The following VPS13A variants were observed in gnomAD, a reference collection of about 807,000 sequenced individuals.
VPS13A encodes vacuolar protein sorting 13 homolog A.
VPS13A carries 264 observed loss-of-function variants against 390.9 expected under a neutral mutation model. The ratio of observed to expected loss-of-function variants is 0.68; its 90% CI spans 0.61 to 0.75. The LOEUF (loss-of-function observed/expected upper bound fraction) is 0.75. Ranked by LOEUF, VPS13A falls within the 30% of genes least tolerant of loss-of-function variation. The pLI, the probability that VPS13A is intolerant of heterozygous loss-of-function variation, is 0.00. For missense variants in VPS13A, 3,409 were observed against 3,733.9 expected, an observed-to-expected ratio of 0.91 and a Z score of 2.27; for synonymous variants, 1,231 against 1,227.1, an observed-to-expected ratio of 1.00 and a Z score of -0.07.
intron 1 of VPS13A, among the ~76,000 whole-genome samples, chr9:77,194,040 A>G (rs959884246): frequency 2.0e-5 from 3 of 152,118 alleles, no homozygotes; most frequent in Non-Finnish European, 4.4e-5. Flanking sequence ...TCTGCTGGGC[A>G]ACAACACTCT....
rs1044262475 is a variant in VPS13A, at chr9:77,384,555, T to C, written c.9189+2468T>C. The C allele has an allele frequency of 3.7e-6, 6 of 1,610,978 alleles. No homozygotes were observed. The African/African-American group carries it at 8.0e-5, about 22-fold the overall frequency. On this transcript the variant is annotated intron_variant, in intron 68 of 71. Transcript: ENST00000360280. ...ATTTGCCATACTCTACTAACCTTTGTGCTTCTTTTTTCCTTTGCCATGCTT... is the reference window on the plus strand; with the variant it reads ...ATTTGCCATACTCTACTAACCTTTGCGCTTCTTTTTTCCTTTGCCATGCTT...
At chr9:77,275,973 A>T in intron 25 of VPS13A, 92 bp from the exon 26 acceptor site, 1 of 1,296,994 alleles carries the variant, frequency 7.7e-7, no homozygotes, top group Non-Finnish European at 1.1e-6. Flanking sequence ...TATCAATTGT[A>T]TGTATACCTC....
chr9:77,186,100 A>G (rs1160836906), intron 1 of VPS13A, among the ~76,000 whole-genome samples: 1 of 152,224 alleles, frequency 6.6e-6, no homozygotes, highest in Non-Finnish European at 1.5e-5. Flanking sequence ...CCTGGGCGAC[A>G]GTGCGAAACT....
intron 16 of VPS13A, among the ~76,000 whole-genome samples, chr9:77,227,698 T>G (rs1274307066): frequency 6.8e-6 from 1 of 147,726 alleles, no homozygotes; most frequent in Non-Finnish European, 1.5e-5. Flanking sequence ...GTGGTTTTTT[T>G]TTTGTTTTTT....
At chr9:77,337,233 T>A in intron 46 of VPS13A, 22 bp from the exon 47 acceptor site, 1 of 1,602,992 alleles carries the variant, frequency 6.2e-7, no homozygotes. Context: ...CATTTTAAAC[T>A]GTATCATTTA....
chr9:77,262,320 T>C (rs1433244349), intron 23 of VPS13A, among the ~76,000 whole-genome samples: 1 of 152,280 alleles, frequency 6.6e-6, no homozygotes, highest in Admixed American at 6.5e-5. Context: ...AAAAAAAATA[T>C]ATTCACATTT....
chr9:77,195,744 A>G (rs989496810), intron 1 of VPS13A, among the ~76,000 whole-genome samples: 1 of 151,404 alleles, frequency 6.6e-6, no homozygotes, highest in Non-Finnish European at 1.5e-5. Context: ...CTCAAAAAAG[A>G]AAAAAAAAGA....
At chr9:77,363,464 CA>C (rs1832266038) in intron 59 of VPS13A, among the ~76,000 whole-genome samples, 2 of 134,992 alleles carry the variant, frequency 1.5e-5, no homozygotes, top group African/African-American at 5.4e-5. Flanking sequence ...TGCAATGCTG[CA>C]AAAGCAATCT....
At chr9:77,201,461 A>T in intron 3 of VPS13A, 54 bp downstream of exon 3, 1 of 1,370,400 alleles carries the variant, frequency 7.3e-7, no homozygotes, top group African/African-American at 1.4e-5. Flanking sequence ...CAGCCAGAAT[A>T]ATTTGCCTAA....
At chr9:77,362,399 A>G (rs7847352) in intron 59 of VPS13A, among the ~76,000 whole-genome samples, 26,229 of 152,142 alleles carry the variant, frequency 0.17, 2,407 homozygotes, top group Middle Eastern at 0.24. Context: ...TTAAAAGACT[A>G]TTTGTTCTTT....
intron 33 of VPS13A, among the ~76,000 whole-genome samples, chr9:77,300,195 C>G (rs138344069): frequency 9.2e-4 from 140 of 152,118 alleles, no homozygotes; most frequent in African/African-American, 3.1e-3. Flanking sequence ...TCCAAATATT[C>G]CTGTTTTTAG....
intron 10 of VPS13A, among the ~76,000 whole-genome samples, chr9:77,219,551 C>T (rs1160873371): frequency 1.3e-5 from 2 of 152,096 alleles, no homozygotes; most frequent in Non-Finnish European, 2.9e-5. Flanking sequence ...AGAAATTGAT[C>T]AGAAATTCAG....
At chr9:77,298,563 T>C (rs1828147434) in intron 33 of VPS13A, among the ~76,000 whole-genome samples, 1 of 152,128 alleles carries the variant, frequency 6.6e-6, no homozygotes, top group Non-Finnish European at 1.5e-5. Flanking sequence ...ATTTTGTATT[T>C]GGAATCCAAC....
At chr9:77,359,550 G>A in intron 58 of VPS13A, 148 bp downstream of exon 58, 1 of 841,440 alleles carries the variant, frequency 1.2e-6, no homozygotes, top group Non-Finnish European at 1.8e-6. Flanking sequence ...TAATGTTGTG[G>A]CTCACGCCTG....
At chr9:77,411,383 G>C (rs970074175) in intron 71 of VPS13A, among the ~76,000 whole-genome samples, 3 of 151,958 alleles carry the variant, frequency 2.0e-5, no homozygotes, top group African/African-American at 7.2e-5. Context: ...AAAGAACTAG[G>C]CCGGGCACAG....
In VPS13A at chr9:77,316,313, C is replaced by A. The variant is rs1829385323; in HGVS notation, c.4770C>A (p.Asn1590Lys). The change falls in exon 39 of 72, where the codon AAC (asparagine) becomes AAA (lysine). Residue 1590 changes from asparagine to lysine, a missense_variant. Physicochemically the swap from Asn to Lys is moderately conservative, Grantham distance 94. Transcript: ENST00000360280. The stretch of plus-strand genomic sequence containing the variant: ...AATGTGAAATTTGCTATAAAGGTAA[C>A]CTTGAAAATAGTACAATGACTGCTG... ...TTQCEICYKG[N>K]LENSTMTAAI... The A allele has an allele frequency of 6.2e-7, 1 of 1,613,062 alleles. No individual in the cohort carries two copies. Among genetic ancestry groups the A allele is most frequent in the Admixed American group, 1.7e-5 (1 of 59,960 alleles).
At chr9:77,320,016 G>A (rs1452185879) in intron 42 of VPS13A, among the ~76,000 whole-genome samples, 1 of 152,002 alleles carries the variant, frequency 6.6e-6, no homozygotes, top group African/African-American at 2.4e-5. Flanking sequence ...GGCCAATGTT[G>A]CCTATGCTTC....
In VPS13A at chr9:77,416,248, G is replaced by T; in HGVS notation, c.*242G>T. The stretch of plus-strand genomic sequence containing the variant: ...TACCCGGTTTTCTAAATTGAATCAT[G>T]CATCTATTTATAATTCTAATTATTT... On this transcript the variant is annotated 3_prime_UTR_variant, in exon 72 of 72. Coordinates refer to ENST00000360280, the MANE Select transcript of VPS13A (RefSeq NM_033305.3). The T allele has an allele frequency of 6.9e-6, 3 of 437,074 alleles. No homozygotes were observed. In the East Asian group the frequency reaches 1.2e-4, roughly 18 times the overall value. The allele number at this position is 437,074 out of a possible 1,614,324, so 27.1% of individuals were successfully genotyped here. A position where few individuals can be genotyped will look rare whatever the true frequency, so the allele number is the denominator to read the frequency against.
chr9:77,205,272 TA>T, intron 3 of VPS13A, 40 bp from the exon 4 acceptor site: 1 of 1,122,940 alleles, frequency 8.9e-7, no homozygotes, highest in Non-Finnish European at 1.3e-6. Context: ...GTTGAAGGAG[TA>T]ATATTTTTTG....
Sources: gnomAD v4.1 joint callset for allele counts (sites outside exome capture counted in the v4.1 genomes callset) on GRCh38, gnomAD v4.1.1 for gene constraint, MANE v1.5 for transcripts, NCBI Gene and HGNC (gene_info 2026-07-23, HGNC 2026-07-21) for gene names.